The following GUCY1A2 variants were observed in gnomAD, a reference collection of about 807,000 sequenced individuals.
GUCY1A2 encodes the protein guanylate cyclase 1 soluble subunit alpha 2.
A neutral mutation model predicts 63.5 loss-of-function variants in GUCY1A2; 27 were observed. The ratio of observed to expected loss-of-function variants is 0.43; its 90% confidence interval spans 0.31 to 0.59. The LOEUF (loss-of-function observed/expected upper bound fraction) is 0.59. Among genes scored for constraint, GUCY1A2 ranks in the 20% least tolerant of loss-of-function variants. The pLI is 0.11. For missense variants in GUCY1A2, 768 were observed against 913.3 expected, an observed-to-expected ratio of 0.84 and a Z score of 2.05; for synonymous variants, 364 against 343.5, an observed-to-expected ratio of 1.06 and a Z score of -0.66.
intron 1 of GUCY1A2, among the ~76,000 whole-genome samples, chr11:107,016,144 TC>T (rs561345361): frequency 2.0e-5 from 3 of 152,120 alleles, no homozygotes; most frequent in Non-Finnish European, 4.4e-5. Context: ...CCTTCTTAGG[TC>T]CCCCCTACCA....
intron 6 of GUCY1A2, among the ~76,000 whole-genome samples, chr11:106,760,012 T>C (rs1345265373): frequency 6.6e-6 from 1 of 151,604 alleles, no homozygotes; most frequent in Non-Finnish European, 1.5e-5. Flanking sequence ...GATTGGATTT[T>C]ATGCTGCCAA....
rs149735195 is a variant in GUCY1A2, at chr11:106,738,956, A to T, written c.1837-30290T>A. Among the ~76,000 whole-genome samples, 798 of 152,236 alleles carry T rather than the reference A, an allele frequency of 5.2e-3. 6 individuals are homozygous for T. Among genetic ancestry groups the T allele is most frequent in the African/African-American group, 0.018 (767 of 41,544 alleles). On this transcript the variant is annotated intron_variant, in intron 6 of 7. Coordinates refer to ENST00000526355, the MANE Select transcript of GUCY1A2 (RefSeq NM_000855.3). The stretch of plus-strand genomic sequence containing the variant: ...AAGTCAATGGTAACTTGATGGGGAT[A>T]GCATTGAATCTATAATTACTTTGGG...
At chr11:106,870,677 A>G (rs1859664591) in intron 4 of GUCY1A2, among the ~76,000 whole-genome samples, 2 of 152,114 alleles carry the variant, frequency 1.3e-5, no homozygotes, top group African/African-American at 4.8e-5. Flanking sequence ...ACAGCTCTGG[A>G]TAACTTTTCC....
At chr11:106,772,193 A>G (rs1459255280) in intron 6 of GUCY1A2, among the ~76,000 whole-genome samples, 1 of 152,226 alleles carries the variant, frequency 6.6e-6, no homozygotes, top group African/African-American at 2.4e-5. Flanking sequence ...CCTATTTCCC[A>G]TCATTACAGG....
intron 3 of GUCY1A2, among the ~76,000 whole-genome samples, chr11:106,961,769 CAT>C (rs1861061244): frequency 1.3e-5 from 2 of 152,154 alleles, no homozygotes; most frequent in South Asian, 4.1e-4. Context: ...CAAAGGTCTA[CAT>C]AGTTTGTTTT....
chr11:106,808,299 G>T (rs1468247964), intron 5 of GUCY1A2, among the ~76,000 whole-genome samples: 4 of 151,910 alleles, frequency 2.6e-5, no homozygotes, highest in Non-Finnish European at 5.9e-5. Flanking sequence ...TAAACATTTT[G>T]TAAGTTAAAA....
Position 106,904,767 on chromosome 11 carries a change from C to CA in GUCY1A2, c.1206+34692dup, listed in dbSNP as rs543493159. Among the ~76,000 whole-genome samples, 204 of 145,472 alleles carry CA rather than the reference C, an allele frequency of 1.4e-3. 1 individual carries two copies. The highest frequency in any genetic ancestry group is 6.9e-3 in the Middle Eastern group (2 of 288). On this transcript the variant is annotated intron_variant, in intron 4 of 7. Coordinates refer to ENST00000526355, the MANE Select transcript of GUCY1A2 (RefSeq NM_000855.3). ...TATATTCAATCTGAGAGTGAGAGCT[C>CA]AAAAAAAAACAGAGAGGAGAAACAT...
At chr11:106,849,299 T>C (rs1859319735) in intron 4 of GUCY1A2, among the ~76,000 whole-genome samples, 1 of 150,890 alleles carries the variant, frequency 6.6e-6, no homozygotes, top group Admixed American at 6.6e-5. Flanking sequence ...TGACTTACAA[T>C]TTATAAATTA....
At chr11:106,997,306 C>T (rs1036320398) in intron 1 of GUCY1A2, among the ~76,000 whole-genome samples, 1 of 152,088 alleles carries the variant, frequency 6.6e-6, no homozygotes, top group Admixed American at 6.6e-5. Flanking sequence ...ATTCTTCTTC[C>T]CGCACTCTAT....
intron 7 of GUCY1A2, among the ~76,000 whole-genome samples, chr11:106,700,741 C>T (rs1399245778): frequency 1.3e-5 from 2 of 151,438 alleles, no homozygotes; most frequent in Non-Finnish European, 2.9e-5. Context: ...AGCATGCCAG[C>T]CCGAATACTT....
rs1356724995 is a variant in GUCY1A2 at position 106,776,506 on chromosome 11, G to C, written c.1769C>G (p.Ala590Gly). Residue 590 changes from alanine to glycine, a missense_variant, in exon 6 of 8, where the codon GCT becomes GGT. Ala to Gly is a moderately conservative substitution (Grantham distance 60, BLOSUM62 0). This residue lies in a region of GUCY1A2 where 150 missense variants were observed against 188.3 expected (regional missense o/e 0.80). Coordinates refer to ENST00000526355, the MANE Select transcript of GUCY1A2 (RefSeq NM_000855.3). ...RKSLCHAKPI[A>G]LMALKMMELS... The stretch of plus-strand genomic sequence containing the variant: ...TTCCATCATCTTCAAGGCCATCAGA[G>C]CAATGGGTTTAGCATGGCAGAGGCT... The C allele has an allele frequency of 6.2e-7, 1 of 1,613,314 alleles. No individual in the cohort carries two copies. Among genetic ancestry groups the C allele is most frequent in the Admixed American group, 1.7e-5 (1 of 60,016 alleles).
chr11:106,787,548 TAGAGAAAGAG>T (rs1281012812), intron 5 of GUCY1A2, among the ~76,000 whole-genome samples: 2 of 1,596 alleles, frequency 1.3e-3, no homozygotes, highest in African/African-American at 2.5e-3. Context: ...GAGAGAAAGA[TAGAGAAAGAG>T]AGAGAGACAG....
intron 3 of GUCY1A2, among the ~76,000 whole-genome samples, chr11:106,954,010 T>A (rs768691342): frequency 4.9e-4 from 74 of 152,262 alleles, no homozygotes; most frequent in Non-Finnish European, 8.1e-4. Context: ...TGTCTCTATC[T>A]CCTTCAATTC....
intron 4 of GUCY1A2, among the ~76,000 whole-genome samples, chr11:106,813,544 T>C (rs1185877768): frequency 1.3e-5 from 2 of 152,044 alleles, no homozygotes; most frequent in Non-Finnish European, 2.9e-5. Flanking sequence ...ATTACATGTT[T>C]TATATTTTTG....
chr11:106,935,393 C>T (rs1316497421), intron 4 of GUCY1A2, among the ~76,000 whole-genome samples: 1 of 152,142 alleles, frequency 6.6e-6, no homozygotes, highest in African/African-American at 2.4e-5. Flanking sequence ...ATTTAATCCT[C>T]CCAAATAACT....
chr11:106,717,488 G>A (rs1249948151), intron 6 of GUCY1A2, among the ~76,000 whole-genome samples: 1 of 152,152 alleles, frequency 6.6e-6, no homozygotes, highest in Non-Finnish European at 1.5e-5. Flanking sequence ...AACATTATGA[G>A]CTAGCAAGTT....
intron 2 of GUCY1A2, among the ~76,000 whole-genome samples, chr11:106,980,789 CA>C (rs1404399098): frequency 6.6e-6 from 1 of 152,096 alleles, no homozygotes; most frequent in African/African-American, 2.4e-5. Context: ...TCCAATAAAC[CA>C]GTTAGGCAAA....
chr11:106,956,564 G>C (rs1164712834), intron 3 of GUCY1A2, among the ~76,000 whole-genome samples: 4 of 152,024 alleles, frequency 2.6e-5, no homozygotes, highest in African/African-American at 9.7e-5. Context: ...CAGTTTGCTA[G>C]GGGTTCACTT....
chr11:106,904,596 C>A (rs1481049769), intron 4 of GUCY1A2, among the ~76,000 whole-genome samples: 2 of 151,798 alleles, frequency 1.3e-5, no homozygotes, highest in African/African-American at 4.8e-5. Flanking sequence ...TTTTAATGTA[C>A]AACAAATATC....
Sources: gnomAD v4.1 joint callset for allele counts (sites outside exome capture counted in the v4.1 genomes callset) on GRCh38, gnomAD v4.1.1 for gene constraint, gnomAD v4.1.1 regional missense constraint, MANE v1.5 for transcripts, NCBI Gene and HGNC (gene_info 2026-07-23, HGNC 2026-07-21) for gene names.